MCF2L: variants seen among roughly 807,000 people sequenced by gnomAD.
The protein encoded by MCF2L is MCF.2 cell line derived transforming sequence like, also known as guanine nucleotide exchange factor DBS.
In MCF2L, 97 loss-of-function variants were observed where a neutral mutation model predicts 153.4. The observed-to-expected ratio is 0.63, with a 90% CI of 0.54 to 0.75. The LOEUF is 0.75. Among genes scored for constraint, MCF2L ranks in the 30% least tolerant of loss-of-function variants. MCF2L has a pLI of 0.00. For missense variants in MCF2L, 1,347 were observed against 1,495.2 expected (o/e 0.90, Z 1.64); for synonymous variants, 659 against 632.2 (o/e 1.04, Z -0.64).
intron 1 of MCF2L, among the ~76,000 whole-genome samples, chr13:112,996,419 G>A (rs111599221): frequency 0.028 from 4,227 of 152,292 alleles, 212 homozygotes; most frequent in African/African-American, 0.096. Context: ...ACCCCGACAC[G>A]CCAGGATGGG....
At chr13:113,065,237 T>C (rs1174230985) in intron 7 of MCF2L, 152 bp downstream of exon 7, 5 of 817,716 alleles carry the variant, frequency 6.1e-6, no homozygotes, top group Non-Finnish European at 1.9e-6. Context: ...AGGCTTGAGA[T>C]GCCTTTTGAT....
rs1489686607 is a variant in MCF2L at position 112,983,784 on chromosome 13, G to A, written c.79+14326G>A. ...TGCCTGGCTTCCTCCTCCTCCACCC[G>A]TCCACCTGTGTGTCTGGGTCAGGCT... is the stretch of plus-strand genomic sequence containing the variant. On this transcript the variant is annotated intron_variant, in intron 1 of 29. Transcript: ENST00000535094. The surrounding 1 kb of genome is among the most constrained non-coding windows in gnomAD (Gnocchi z 4.0). 6.6e-6 allele frequency among the ~76,000 whole-genome samples: 1 copy of A among 152,102 alleles called. No homozygotes were observed. The highest frequency in any genetic ancestry group is 1.5e-5 in the Non-Finnish European group (1 of 68,018).
Position 112,915,787 on chromosome 13 carries a change from T to C in MCF2L, c.169+13416T>C, listed in dbSNP as rs181607811. 2.6e-4 allele frequency among the ~76,000 whole-genome samples: 40 copies of C among 152,292 alleles called. 1 individual carries two copies. The highest frequency in any genetic ancestry group is 4.6e-4 in the Non-Finnish European group (31 of 68,022). ...TCTCCTGGACGTGATTAAGTAGTAG[T>C]AGTGATGTTCAGGTTTGGTGATGCT... On this transcript the variant is annotated intron_variant, in intron 2 of 29. Transcript: ENST00000375608.
At chr13:112,984,942 G>C (rs2082575244) in intron 1 of MCF2L, among the ~76,000 whole-genome samples, 1 of 152,106 alleles carries the variant, frequency 6.6e-6, no homozygotes, top group South Asian at 2.1e-4. Flanking sequence ...CTGGCAAGCA[G>C]TCACCCCCGA....
chr13:113,003,072 G>A (rs1215136767), intron 1 of MCF2L, among the ~76,000 whole-genome samples: 1 of 152,060 alleles, frequency 6.6e-6, no homozygotes, highest in Non-Finnish European at 1.5e-5. Context: ...GCCACCTGGG[G>A]GGCTGAGAGG....
chr13:112,914,446 T>C (rs750470931), intron 2 of MCF2L, among the ~76,000 whole-genome samples: 1 of 152,260 alleles, frequency 6.6e-6, no homozygotes, highest in Non-Finnish European at 1.5e-5. Flanking sequence ...GTGCAATTAG[T>C]AACCTAGTAT....
chr13:113,066,057 G>T lies in MCF2L; in HGVS notation c.768G>T (p.Arg256Ser), dbSNP rs765051788. Residue 256 changes from arginine (R) to serine (S), a missense_variant, in exon 8 of 30, where the codon AGG becomes AGT. Around this residue, in one of 3 missense-constraint regions of MCF2L, gnomAD observed 820 missense variants for 921.2 expected, o/e 0.89. Coordinates refer to ENST00000535094, the MANE Select transcript of MCF2L (RefSeq NM_001112732.3). ...EKKDKAKEDL[R>S]LALKEGHSVL... ...CATTCTCTCCACAGGAGGATTTGAG[G>T]CTGGCACTGAAAGAGGGGCACAGTG... 4 of 1,613,140 alleles carry T rather than the reference G, an allele frequency of 2.5e-6. No individual in the cohort carries two copies. In the Admixed American group the frequency reaches 5.0e-5, roughly 20 times the overall value.
intron 2 of MCF2L, among the ~76,000 whole-genome samples, chr13:112,913,097 A>G (rs1441371433): frequency 1.5e-5 from 2 of 129,370 alleles, no homozygotes; most frequent in African/African-American, 3.1e-5. Context: ...TGTGTGGTCT[A>G]TTTCTGTGTC....
intron 2 of MCF2L, chr13:112,917,495 CGCA>C (rs2140551313): frequency 3.3e-6 from 1 of 307,152 alleles, no homozygotes; most frequent in South Asian, 2.9e-5. Flanking sequence ...ACCGCCGTCT[CGCA>C]GAACAGCAAG....
At chr13:112,945,638 G>C (rs2081629387) in intron 2 of MCF2L, among the ~76,000 whole-genome samples, 1 of 152,244 alleles carries the variant, frequency 6.6e-6, no homozygotes. Context: ...GGAAGACACA[G>C]TGAGTGGGAG....
At chr13:113,078,937 GCA>G (rs2033813139) in intron 15 of MCF2L, among the ~76,000 whole-genome samples, 198 bp downstream of exon 15, 1 of 152,242 alleles carries the variant, frequency 6.6e-6, no homozygotes, top group Admixed American at 6.5e-5. Flanking sequence ...ACCGCGTGAA[GCA>G]CACACACGCC....
chr13:112,918,917 G>A (rs1200799821), intron 2 of MCF2L, among the ~76,000 whole-genome samples: 1 of 152,096 alleles, frequency 6.6e-6, no homozygotes, highest in Admixed American at 6.5e-5. Flanking sequence ...CATCCTCCGT[G>A]TCCCCACCTG....
chr13:112,936,595 C>A (rs1307157594), intron 2 of MCF2L, among the ~76,000 whole-genome samples: 1 of 152,170 alleles, frequency 6.6e-6, no homozygotes, highest in African/African-American at 2.4e-5. Context: ...GATGTCTTAG[C>A]AAGTTTATTT....
chr13:112,968,740 G>C, upstream of MCF2L: 1 of 1,382,976 alleles, frequency 7.2e-7, no homozygotes, highest in Non-Finnish European at 9.3e-7. Flanking sequence ...GGCCAGGCGC[G>C]GCCCCGCGGA....
intron 2 of MCF2L, chr13:112,917,214 C>T (rs2081302719): frequency 1.1e-5 from 5 of 470,038 alleles, no homozygotes; most frequent in East Asian, 6.9e-5. Context: ...ACTGCACCGC[C>T]CTGCCTCCGC....
At chr13:112,973,914 T>C (rs1289304217) in intron 1 of MCF2L, among the ~76,000 whole-genome samples, 1 of 152,174 alleles carries the variant, frequency 6.6e-6, no homozygotes, top group Non-Finnish European at 1.5e-5. Flanking sequence ...CCTGAGTCAC[T>C]GGCCCCTTTT....
intron 2 of MCF2L, among the ~76,000 whole-genome samples, chr13:113,015,153 C>A (rs1021747209): frequency 6.6e-6 from 1 of 152,148 alleles, no homozygotes; most frequent in Non-Finnish European, 1.5e-5. Context: ...TGTGGGTGGC[C>A]GAGCCCATGG....
rs375746508 is a variant in MCF2L, at chr13:113,067,273, C to T, written c.881+1103C>T. On this transcript the variant is annotated intron_variant, in intron 8 of 29. Transcript: ENST00000535094. The stretch of plus-strand genomic sequence containing the variant: ...TGGTGCACAGCTGGAGTCCCAGCTA[C>T]GCGGAGGCAGAGGTCGCAGTGAGCC... Among the ~76,000 whole-genome samples the T allele has an allele frequency of 1.9e-3, 282 of 147,272 alleles. 3 individuals carry two copies. The East Asian group carries it at 0.052, about 27-fold the overall frequency.
At chr13:113,016,333 G>T (rs9549636) in intron 2 of MCF2L, among the ~76,000 whole-genome samples, 1 of 152,002 alleles carries the variant, frequency 6.6e-6, no homozygotes, top group Non-Finnish European at 1.5e-5. Flanking sequence ...GGCAGAGGCC[G>T]CCTGACCAGG....
Sources: gnomAD v4.1 joint callset for allele counts (sites outside exome capture counted in the v4.1 genomes callset) on GRCh38, gnomAD v4.1.1 for gene constraint, gnomAD v4.1.1 regional missense constraint, Gnocchi (gnomAD v3.1) non-coding constraint, MANE v1.5 for transcripts, NCBI Gene and HGNC (gene_info 2026-07-23, HGNC 2026-07-21) for gene names.